The following IGFL4 variants were observed in gnomAD, a reference collection of about 807,000 sequenced individuals.
IGFL4 encodes the protein IGF like family member 4, also known as insulin growth factor-like family member 4.
Under a neutral mutation model 15.4 loss-of-function variants are expected in IGFL4, and 12 were observed. That is an observed-to-expected ratio of 0.78 (90% CI 0.50 to 1.26). The LOEUF (loss-of-function observed/expected upper bound fraction) is 1.26. IGFL4 is among the 50% of genes most tolerant of loss of function. IGFL4 has a pLI of 0.00. For synonymous variants in IGFL4, 54 were observed against 55.9 expected, an observed-to-expected ratio of 0.97 and a Z score of 0.16; for missense variants, 126 against 147.8, an observed-to-expected ratio of 0.85 and a Z score of 0.76.
upstream of IGFL4, among the ~76,000 whole-genome samples, chr19:46,042,136 A>ATCAT (rs149156646): frequency 1.1e-4 from 17 of 151,782 alleles, no homozygotes; most frequent in South Asian, 2.1e-4. Flanking sequence ...TTTGCACTCC[A>ATCAT]GCCTGGCCTC....
chr19:46,057,291 T>C (rs1969402100), intron 2 of IGFL4, among the ~76,000 whole-genome samples: 1 of 152,102 alleles, frequency 6.6e-6, no homozygotes, highest in South Asian at 2.1e-4. Flanking sequence ...GAGAGGCTCA[T>C]TTTTAGAGTA....
chr19:46,076,668 T>TAAATACATTATTTATAATAAA (rs1969600649), intron 1 of IGFL4, among the ~76,000 whole-genome samples: 1 of 148,140 alleles, frequency 6.8e-6, no homozygotes, highest in African/African-American at 2.5e-5. Context: ...TTTAGTTTTA[T>TAAATACATTATTTATAATAAA]TATAAATACA....
intron 2 of IGFL4, among the ~76,000 whole-genome samples, chr19:46,052,527 G>A (rs1161282086): frequency 6.6e-6 from 1 of 151,886 alleles, no homozygotes; most frequent in Non-Finnish European, 1.5e-5. Context: ...AAAAGTCTGA[G>A]CCTGGCCAAC....
intron 1 of IGFL4, among the ~76,000 whole-genome samples, chr19:46,076,615 A>G (rs528260981): frequency 5.3e-4 from 80 of 150,702 alleles, no homozygotes; most frequent in South Asian, 1.0e-3. Flanking sequence ...CAAATTGTAT[A>G]CATTTTCCCG....
At chr19:46,067,708 G>T (rs530512249) in intron 1 of IGFL4, among the ~76,000 whole-genome samples, 2 of 152,216 alleles carry the variant, frequency 1.3e-5, no homozygotes, top group African/African-American at 4.8e-5. Flanking sequence ...TTGTGGGGTT[G>T]CAGGATGGGG....
At chr19:46,067,483 A>G (rs557611160) in intron 1 of IGFL4, among the ~76,000 whole-genome samples, 2 of 152,258 alleles carry the variant, frequency 1.3e-5, no homozygotes, top group Admixed American at 1.3e-4. Context: ...CTGATCCCAG[A>G]AGAATTAGCC....
intron 1 of IGFL4, among the ~76,000 whole-genome samples, chr19:46,064,859 T>C (rs998379595): frequency 2.0e-5 from 3 of 152,190 alleles, no homozygotes; most frequent in African/African-American, 7.2e-5. Context: ...TTTTGAGGAA[T>C]CTTCAAACCG....
chr19:46,073,207 G>A (rs1969563098), intron 1 of IGFL4, among the ~76,000 whole-genome samples: 3 of 152,132 alleles, frequency 2.0e-5, no homozygotes, highest in Admixed American at 2.0e-4. Context: ...CAACATTCTT[G>A]TAAATCTAAA....
chr19:46,071,378 T>G (rs1434437441), intron 1 of IGFL4, among the ~76,000 whole-genome samples: 2 of 152,204 alleles, frequency 1.3e-5, no homozygotes, highest in Non-Finnish European at 2.9e-5. Flanking sequence ...TGGTTTCCAG[T>G]ACTCCTCTTA....
intron 2 of IGFL4, among the ~76,000 whole-genome samples, chr19:46,046,157 A>G (rs1969295671): frequency 1.3e-5 from 2 of 152,188 alleles, no homozygotes; most frequent in Admixed American, 6.5e-5. Context: ...TATCCAGCCA[A>G]ACTAAGCTTC....
chr19:46,040,681 T>G lies in IGFL4; in HGVS notation c.20-113A>C. On this transcript the variant is annotated intron_variant, in intron 1 of 3. Transcript: ENST00000377697. This position sits in a 1 kb window ranked among gnomAD's most constrained non-coding sequence, Gnocchi z 4.1. ...TTGCTGTTAACAGCTCAGAGTGGAT[T>G]TTGGGACTGGCTGTGGGTGCAGGTC... is the stretch of plus-strand genomic sequence containing the variant. The G allele has an allele frequency of 7.8e-7, 1 of 1,276,420 alleles. No individual in the cohort carries two copies. 79.1% of individuals were successfully genotyped at this position (1,276,420 alleles called of 1,614,324 possible).
chr19:46,069,796 C>T (rs1419198788), intron 1 of IGFL4, among the ~76,000 whole-genome samples: 1 of 152,166 alleles, frequency 6.6e-6, no homozygotes, highest in Non-Finnish European at 1.5e-5. Context: ...GTTTAGTCAA[C>T]AGCAATAGAT....
rs770662569 is a variant in IGFL4 at position 46,039,877 on chromosome 19, C to T, written c.*15G>A. 3 of 1,599,098 alleles carry T rather than the reference C, an allele frequency of 1.9e-6. No homozygotes were observed. The South Asian group carries it at 3.3e-5, about 18-fold the overall frequency. ...GATTCTAGAGTGATCTGTGACTCTG[C>T]TACCCCAGAACAGTCTAGATGAGGT... is the stretch of plus-strand genomic sequence containing the variant. On this transcript the variant is annotated 3_prime_UTR_variant, in exon 4 of 4. Transcript: ENST00000377697.
rs1600667877 is a variant in IGFL4 at position 46,040,636 on chromosome 19, A to T, written c.20-68T>A. 84 of 1,544,666 alleles carry T rather than the reference A, an allele frequency of 5.4e-5. 1 individual carries two copies. The East Asian group carries it at 1.9e-3, about 35-fold the overall frequency. On this transcript the variant is annotated intron_variant, in intron 1 of 3. Transcript: ENST00000377697. This position sits in a 1 kb window ranked among gnomAD's most constrained non-coding sequence, Gnocchi z 4.1. ...GGTCTTGACCACGGGGCACAGGATG[A>T]TGTCTCTGAGCTTCTCTGGTTGCTG...
chr19:46,046,123 A>G (rs1969295421), intron 2 of IGFL4, among the ~76,000 whole-genome samples: 1 of 152,222 alleles, frequency 6.6e-6, no homozygotes, highest in Admixed American at 6.5e-5. Context: ...ACATTCTTAA[A>G]AGAATTTCCA....
At chr19:46,059,560 C>G (rs2146522041) in intron 2 of IGFL4, 1 of 152,176 alleles carries the variant, frequency 6.6e-6, no homozygotes, top group South Asian at 2.1e-4. Context: ...AGCAGTCAGT[C>G]TAAATTGCAG....
rs1185341674 is a variant in IGFL4 at position 46,040,800 on chromosome 19, G to T, written c.19+144C>A. On this transcript the variant is annotated intron_variant, in intron 1 of 3. Transcript: ENST00000377697. This position sits in a 1 kb window ranked among gnomAD's most constrained non-coding sequence, Gnocchi z 4.1. ...TGCAGTTCAGGAGACAGATTACAAT[G>T]CAGTCACAGATGACATAGCAGTGAT... 3.2e-6 allele frequency: 3 copies of T among 939,060 alleles called. No individual in the cohort carries two copies. Among genetic ancestry groups the T allele is most frequent in the South Asian group, 2.9e-5 (2 of 69,846 alleles). The allele number at this position is 939,060 out of a possible 1,614,324, so 58.2% of individuals were successfully genotyped here.
At chr19:46,069,876 A>G (rs1969529470) in intron 1 of IGFL4, among the ~76,000 whole-genome samples, 1 of 152,230 alleles carries the variant, frequency 6.6e-6, no homozygotes, top group African/African-American at 2.4e-5. Context: ...TAAACAATAG[A>G]TTAGACTAAA....
chr19:46,041,049 T>A, upstream of IGFL4: 1 of 1,260,096 alleles, frequency 7.9e-7, no homozygotes, highest in Non-Finnish European at 1.1e-6. Context: ...GATATGAACT[T>A]ACCGCCATTT....
Sources: gnomAD v4.1 joint callset for allele counts (sites outside exome capture counted in the v4.1 genomes callset) on GRCh38, gnomAD v4.1.1 for gene constraint, Gnocchi (gnomAD v3.1) non-coding constraint, MANE v1.5 for transcripts, NCBI Gene and HGNC (gene_info 2026-07-23, HGNC 2026-07-21) for gene names.